Variants in PTPRG observed in about 807,000 individuals in gnomAD.
The protein encoded by PTPRG is protein tyrosine phosphatase receptor type G, also known as receptor-type tyrosine-protein phosphatase gamma.
Under a neutral mutation model 165.3 loss-of-function variants are expected in PTPRG, and 102 were observed. That is an observed-to-expected ratio of 0.62 (90% CI 0.53 to 0.73). PTPRG has a LOEUF of 0.73. Among genes scored for constraint, PTPRG ranks in the 30% least tolerant of loss-of-function variants. The probability of loss-of-function intolerance (pLI) is 0.00; values close to 1 mark genes in which losing one functional copy is unlikely to be tolerated. For synonymous variants in PTPRG, 675 were observed against 669.5 expected, an observed-to-expected ratio of 1.01 and a Z score of -0.13; for missense variants, 1,866 against 1,861.4, an observed-to-expected ratio of 1.00 and a Z score of -0.05.
intron 5 of PTPRG, among the ~76,000 whole-genome samples, chr3:62,103,765 A>G (rs1206287083): frequency 6.6e-6 from 1 of 152,216 alleles, no homozygotes; most frequent in Non-Finnish European, 1.5e-5. Context: ...GCATCCATGG[A>G]CGAGGCAGAG....
At chr3:61,813,543 C>CTGTGTGTG (rs58097355) in intron 2 of PTPRG, among the ~76,000 whole-genome samples, 2,868 of 116,834 alleles carry the variant, frequency 0.025, 52 homozygotes, top group African/African-American at 0.029. Context: ...AAAAGAAAAT[C>CTGTGTGTG]TGTGTGTGTG....
At chr3:61,628,206 G>C (rs2106920403) in intron 1 of PTPRG, among the ~76,000 whole-genome samples, 1 of 152,122 alleles carries the variant, frequency 6.6e-6, no homozygotes, top group South Asian at 2.1e-4. Context: ...AGATATATGT[G>C]GCTCTTTTGT....
intron 2 of PTPRG, among the ~76,000 whole-genome samples, chr3:61,827,206 G>A (rs1208308208): frequency 6.6e-6 from 1 of 152,232 alleles, no homozygotes. Context: ...CCTAAGTGGT[G>A]CATTTGCAGC....
At chr3:62,044,208 G>T (rs1019528937) in intron 4 of PTPRG, among the ~76,000 whole-genome samples, 1 of 152,250 alleles carries the variant, frequency 6.6e-6, no homozygotes, top group African/African-American at 2.4e-5. Flanking sequence ...TACTGAGCAA[G>T]TCACTTAACC....
At chr3:61,957,884 C>T (rs1193900457) in intron 2 of PTPRG, among the ~76,000 whole-genome samples, 1 of 152,134 alleles carries the variant, frequency 6.6e-6, no homozygotes, top group East Asian at 1.9e-4. Context: ...GTTTGACCAC[C>T]CCTTTCTTAG....
intron 1 of PTPRG, among the ~76,000 whole-genome samples, chr3:61,630,946 C>T (rs996355127): frequency 1.6e-4 from 25 of 151,904 alleles, no homozygotes; most frequent in African/African-American, 6.0e-4. Context: ...GTCCCAGCTA[C>T]TCGGGAGGGT....
chr3:61,635,448 C>A (rs1195372918), intron 1 of PTPRG, among the ~76,000 whole-genome samples: 1 of 151,604 alleles, frequency 6.6e-6, no homozygotes, highest in African/African-American at 2.4e-5. Flanking sequence ...CCTTGGCCTC[C>A]CAGGTTCAAG....
intron 7 of PTPRG, among the ~76,000 whole-genome samples, chr3:62,164,698 A>G (rs1704901311): frequency 6.6e-6 from 1 of 152,232 alleles, no homozygotes; most frequent in African/African-American, 2.4e-5. Flanking sequence ...TTAAGCTGCA[A>G]TAGCAATTTA....
intron 12 of PTPRG, among the ~76,000 whole-genome samples, chr3:62,207,580 T>C (rs906357877): frequency 2.0e-5 from 3 of 152,240 alleles, no homozygotes; most frequent in Non-Finnish European, 4.4e-5. Flanking sequence ...TTTTTCTTCA[T>C]ATTAAGGAAA....
chr3:61,631,885 A>G (rs1030317882), intron 1 of PTPRG, among the ~76,000 whole-genome samples: 2 of 152,192 alleles, frequency 1.3e-5, no homozygotes, highest in African/African-American at 2.4e-5. Context: ...TCCAGTGACA[A>G]AGAGGGAAAT....
intron 1 of PTPRG, among the ~76,000 whole-genome samples, chr3:61,746,655 G>T (rs967420470): frequency 6.6e-6 from 1 of 152,108 alleles, no homozygotes; most frequent in Non-Finnish European, 1.5e-5. Context: ...TGGCCAGTGT[G>T]CCCATACCTG....
chr3:61,970,460 A>G (rs1170445896), intron 2 of PTPRG, among the ~76,000 whole-genome samples: 3 of 152,246 alleles, frequency 2.0e-5, no homozygotes, highest in South Asian at 2.1e-4. Context: ...GTAGAAGCTA[A>G]TTTAATAGCT....
chr3:61,796,966 G>A (rs148179592), intron 2 of PTPRG, among the ~76,000 whole-genome samples: 43 of 152,174 alleles, frequency 2.8e-4, no homozygotes, highest in African/African-American at 8.9e-4. Context: ...GTTTTCTCCC[G>A]GGTGAAGGGT....
intron 4 of PTPRG, among the ~76,000 whole-genome samples, chr3:62,037,242 C>T (rs1699975542): frequency 6.6e-6 from 1 of 152,136 alleles, no homozygotes; most frequent in East Asian, 1.9e-4. Context: ...GATACATTTG[C>T]TCATATGGAA....
intron 4 of PTPRG, among the ~76,000 whole-genome samples, chr3:62,075,275 G>A (rs1478634983): frequency 6.6e-6 from 1 of 152,186 alleles, no homozygotes; most frequent in African/African-American, 2.4e-5. Flanking sequence ...AGCCTTCTGT[G>A]AACCTACTTA....
At chr3:62,130,585 G>C (rs552628561) in intron 5 of PTPRG, among the ~76,000 whole-genome samples, 1 of 152,208 alleles carries the variant, frequency 6.6e-6, no homozygotes, top group East Asian at 1.9e-4. Flanking sequence ...CCATCTTTTT[G>C]TCTATAGCTT....
chr3:62,157,311 G>A lies in PTPRG; in HGVS notation c.840+87G>A. 5.1e-6 allele frequency: 7 copies of A among 1,381,518 alleles called. No homozygotes were observed. The East Asian group carries it at 1.2e-4, about 23-fold the overall frequency. The allele number at this position is 1,381,518 out of a possible 1,614,324, so 85.6% of individuals were successfully genotyped here. The stretch of plus-strand genomic sequence containing the variant: ...CAGCATGGCTAGAGTATACCACTAA[G>A]GAATTTGTTCTTGATCCTGTGCATA... On this transcript the variant is annotated intron_variant, in intron 7 of 29. Transcript: ENST00000474889.
chr3:62,096,444 T>C (rs1313534789), intron 5 of PTPRG, among the ~76,000 whole-genome samples: 1 of 152,206 alleles, frequency 6.6e-6, no homozygotes, highest in Admixed American at 6.5e-5. Context: ...TTTCTTGTTT[T>C]ATGTGTGTTA....
At position 61,894,301 on chromosome 3, in the gene PTPRG, C is replaced by CAAAAAAAAAAAAAAAA. The variant is rs767479285; in HGVS notation, c.191-95306_191-95291dup. Reference sequence around the variant, plus strand: ...CGGGCAACAGAGCAAGACTCTGTGTCAAAAAAAAAAAAAAAAAAAAAAAAA... The same window carrying CAAAAAAAAAAAAAAAA: ...CGGGCAACAGAGCAAGACTCTGTGTCAAAAAAAAAAAAAAAAAAAAAAAAAAAAAAAAAAAAAAAAA... On this transcript the variant is annotated intron_variant, in intron 2 of 29. Coordinates refer to ENST00000474889, the MANE Select transcript of PTPRG (RefSeq NM_002841.4). 2.6e-4 allele frequency among the ~76,000 whole-genome samples: 13 copies of CAAAAAAAAAAAAAAAA among 49,848 alleles called. 2 individuals carry two copies. Among genetic ancestry groups the CAAAAAAAAAAAAAAAA allele is most frequent in the African/African-American group, 7.9e-4 (12 of 15,098 alleles). 32.7% of individuals were successfully genotyped at this position (49,848 alleles called of 152,430 possible). A position where few individuals can be genotyped will look rare whatever the true frequency, so the allele number is the denominator to read the frequency against.
Sources: allele counts gnomAD v4.1 joint callset (sites outside exome capture counted in the v4.1 genomes callset), GRCh38; gene constraint gnomAD v4.1.1; transcripts MANE v1.5; gene names NCBI Gene and HGNC (gene_info 2026-07-23, HGNC 2026-07-21).